PREX2: variants seen among roughly 807,000 people sequenced by gnomAD.
PREX2 encodes phosphatidylinositol-3,4,5-trisphosphate dependent Rac exchange factor 2.
A neutral mutation model predicts 203.2 loss-of-function variants in PREX2; 107 were observed. That is an observed-to-expected ratio of 0.53 (90% CI 0.45 to 0.62). The LOEUF (loss-of-function observed/expected upper bound fraction) is 0.62, where lower values mean the gene tolerates loss of function less well. Ranked by LOEUF, PREX2 falls within the 20% of genes least tolerant of loss-of-function variation. The pLI is 0.00. For synonymous variants in PREX2, 672 were observed against 663.6 expected, an observed-to-expected ratio of 1.01 and a Z score of -0.19; for missense variants, 1,777 against 1,955.9, an observed-to-expected ratio of 0.91 and a Z score of 1.72.
At chr8:68,179,021 A>G (rs1812035078) in intron 35 of PREX2, among the ~76,000 whole-genome samples, 1 of 152,030 alleles carries the variant, frequency 6.6e-6, no homozygotes, top group Non-Finnish European at 1.5e-5. Context: ...GTTTTTTTTC[A>G]GTTTTTATAC....
At chr8:68,090,390 A>G (rs1275031543) in intron 19 of PREX2, among the ~76,000 whole-genome samples, 189 bp from the exon 20 acceptor site, 1 of 152,204 alleles carries the variant, frequency 6.6e-6, no homozygotes, top group Admixed American at 6.5e-5. Context: ...TCTATTGATC[A>G]CAGTTTGAAA....
At chr8:68,224,727 T>C (rs1813025286) in intron 39 of PREX2, 101 bp downstream of exon 39, 3 of 798,442 alleles carry the variant, frequency 3.8e-6, no homozygotes, top group Admixed American at 4.4e-5. Context: ...GTGCCCCGTG[T>C]CGTACTGATT....
intron 37 of PREX2, among the ~76,000 whole-genome samples, chr8:68,207,522 A>T (rs1812653666): frequency 6.6e-6 from 1 of 152,154 alleles, no homozygotes; most frequent in Non-Finnish European, 1.5e-5. Flanking sequence ...GAAGTATGCT[A>T]GGGTCTAGAA....
chr8:68,084,947 A>G (rs1809636645), intron 18 of PREX2, among the ~76,000 whole-genome samples: 1 of 152,196 alleles, frequency 6.6e-6, no homozygotes, highest in Non-Finnish European at 1.5e-5. Flanking sequence ...CAACTTCAAA[A>G]CTGAATAAAT....
intron 1 of PREX2, among the ~76,000 whole-genome samples, chr8:68,003,183 TC>T (rs1324553638): frequency 3.9e-5 from 6 of 152,162 alleles, no homozygotes; most frequent in Admixed American, 6.5e-5. Context: ...TGTAATAGTT[TC>T]TTTGTTTTTT....
At chr8:68,186,449 TA>T (rs1478709441) in intron 35 of PREX2, among the ~76,000 whole-genome samples, 1 of 152,186 alleles carries the variant, frequency 6.6e-6, no homozygotes, top group Non-Finnish European at 1.5e-5. Flanking sequence ...AAAAAATGTG[TA>T]AAAAAAGCTT....
At chr8:67,966,070 T>G (rs902284168) in intron 1 of PREX2, among the ~76,000 whole-genome samples, 3 of 152,170 alleles carry the variant, frequency 2.0e-5, no homozygotes, top group Non-Finnish European at 4.4e-5. Context: ...AGGAACATGA[T>G]AAGTTGGATT....
intron 1 of PREX2, among the ~76,000 whole-genome samples, chr8:67,976,129 T>G (rs28660052): frequency 0.34 from 52,357 of 151,996 alleles, 9,437 homozygotes; most frequent in East Asian, 0.6. Context: ...GTCTTCGTAA[T>G]GAACCAAACC....
intron 30 of PREX2, among the ~76,000 whole-genome samples, chr8:68,122,730 CT>C (rs1810802457): frequency 6.6e-6 from 1 of 152,032 alleles, no homozygotes. Flanking sequence ...ATTCAAAGAA[CT>C]TCTTGGCTTC....
intron 17 of PREX2, 150 bp downstream of exon 17, chr8:68,080,988 T>G (rs1258146156): frequency 1.1e-5 from 7 of 633,078 alleles, no homozygotes. Flanking sequence ...ACTCACAGGT[T>G]CTACTGAATA....
rs546879279 is a variant in PREX2, at chr8:68,102,112, G to A, written c.2715+2269G>A. Among the ~76,000 whole-genome samples, 3 of 152,240 alleles carry A rather than the reference G, an allele frequency of 2.0e-5. No homozygotes were observed. In the East Asian group the frequency reaches 5.8e-4, roughly 29 times the overall value. ...AATGATGTTAGATGATAAAAATAATGTCACCCAATTATGGAAAGCTCTTTT... is the reference window on the plus strand; with the variant it reads ...AATGATGTTAGATGATAAAAATAATATCACCCAATTATGGAAAGCTCTTTT... On this transcript the variant is annotated intron_variant, in intron 23 of 39. Coordinates refer to ENST00000288368, the MANE Select transcript of PREX2 (RefSeq NM_024870.4).
intron 35 of PREX2, among the ~76,000 whole-genome samples, chr8:68,182,717 C>T (rs1812108918): frequency 6.6e-6 from 1 of 151,704 alleles, no homozygotes; most frequent in Non-Finnish European, 1.5e-5. Context: ...TAGGTACATG[C>T]CATGTTTCAG....
intron 6 of PREX2, among the ~76,000 whole-genome samples, chr8:68,032,117 A>G (rs908783992): frequency 6.6e-6 from 1 of 152,202 alleles, no homozygotes; most frequent in Admixed American, 6.6e-5. Flanking sequence ...ACTATATCAT[A>G]TGTAGCCCAC....
chr8:68,159,359 T>C (rs1163397499), intron 35 of PREX2, among the ~76,000 whole-genome samples: 2 of 152,230 alleles, frequency 1.3e-5, no homozygotes, highest in East Asian at 3.8e-4. Context: ...TGCCTACTTA[T>C]TTGCATAAAG....
intron 18 of PREX2, among the ~76,000 whole-genome samples, chr8:68,084,602 C>G (rs1809627973): frequency 6.6e-6 from 1 of 152,022 alleles, no homozygotes; most frequent in African/African-American, 2.4e-5. Context: ...AATAGTTTAC[C>G]AAGAGGTCTG....
At chr8:68,207,564 C>CTAG (rs1554585389) in intron 37 of PREX2, among the ~76,000 whole-genome samples, 2,450 of 151,930 alleles carry the variant, frequency 0.016, 27 homozygotes, top group South Asian at 0.023. Context: ...CCAGTACAGC[C>CTAG]TGGTGGTGGT....
intron 37 of PREX2, among the ~76,000 whole-genome samples, chr8:68,210,508 G>T (rs1257945892): frequency 2.0e-5 from 3 of 152,150 alleles, no homozygotes; most frequent in Non-Finnish European, 4.4e-5. Flanking sequence ...ATCCACAGTA[G>T]GAAAACAGAG....
intron 5 of PREX2, among the ~76,000 whole-genome samples, chr8:68,027,924 A>G (rs1356471013): frequency 1.3e-5 from 2 of 152,176 alleles, no homozygotes; most frequent in East Asian, 1.9e-4. Flanking sequence ...TGAAAAATAC[A>G]CTGTAAGGTG....
At chr8:68,042,014 A>G (rs866302734) in intron 7 of PREX2, among the ~76,000 whole-genome samples, 2 of 152,136 alleles carry the variant, frequency 1.3e-5, no homozygotes, top group Admixed American at 1.3e-4. Context: ...AATGGAAATA[A>G]CAAAATAGTT....
Sources: allele counts gnomAD v4.1 joint callset (sites outside exome capture counted in the v4.1 genomes callset), GRCh38; gene constraint gnomAD v4.1.1; transcripts MANE v1.5; gene names NCBI Gene and HGNC (gene_info 2026-07-23, HGNC 2026-07-21).